The following UPF3A variants were observed in gnomAD, a reference collection of about 807,000 sequenced individuals.
UPF3A encodes the protein regulator of nonsense transcripts 3A.
In UPF3A, 42 loss-of-function variants were observed where a neutral mutation model predicts 53.5. The ratio of observed to expected loss-of-function variants is 0.78; its 90% CI spans 0.61 to 1.01. UPF3A has a LOEUF of 1.01. Among genes scored for constraint, UPF3A ranks in the 50% least tolerant of loss-of-function variants. UPF3A has a pLI of 0.00. For missense variants in UPF3A, 575 were observed against 598.0 expected, an observed-to-expected ratio of 0.96 and a Z score of 0.40; for synonymous variants, 237 against 225.3, an observed-to-expected ratio of 1.05 and a Z score of -0.47.
intron 7 of UPF3A, among the ~76,000 whole-genome samples, chr13:114,298,380 A>C (rs1331911648): frequency 1.3e-5 from 2 of 152,042 alleles, no homozygotes; most frequent in African/African-American, 2.4e-5. Context: ...TCTCAAAAAA[A>C]AAAAAAAAAA....
In UPF3A at chr13:114,281,628, G is replaced by C. The variant is rs2084007835; in HGVS notation, c.-12G>C. 4.2e-6 allele frequency: 6 copies of C among 1,427,930 alleles called. No homozygotes were observed. Among genetic ancestry groups the C allele is most frequent in the Non-Finnish European group, 5.5e-6 (6 of 1,091,066 alleles). The allele number at this position is 1,427,930 out of a possible 1,614,324, so 88.5% of individuals were successfully genotyped here. On this transcript the variant is annotated 5_prime_UTR_variant, in exon 1 of 10. Coordinates refer to ENST00000375299, the MANE Select transcript of UPF3A (RefSeq NM_023011.4). ...CGGGGGCTGGCGGCTGCGGCTCGGC[G>C]GAGAGTGCGGCATGCGCTCGGAAAA... is the stretch of plus-strand genomic sequence containing the variant.
chr13:114,288,177 G>A (rs570876310), intron 5 of UPF3A, among the ~76,000 whole-genome samples: 38 of 152,368 alleles, frequency 2.5e-4, no homozygotes, highest in Middle Eastern at 3.4e-3. Flanking sequence ...CTGACTCTGG[G>A]CCTCAGCATG....
At chr13:114,297,584 C>T (rs2086170066) in intron 7 of UPF3A, among the ~76,000 whole-genome samples, 1 of 152,180 alleles carries the variant, frequency 6.6e-6, no homozygotes, top group Admixed American at 6.5e-5. Flanking sequence ...GTAATCCCAG[C>T]ACTTTGGGAG....
Position 114,281,694 on chromosome 13 carries a change from G to A in UPF3A, c.55G>A (p.Gly19Ser). The A allele has an allele frequency of 6.5e-7, 1 of 1,540,980 alleles. No homozygotes were observed. Among genetic ancestry groups the A allele is most frequent in the Non-Finnish European group, 8.7e-7 (1 of 1,143,464 alleles). ...GGLRAAVAARGPSGREKLSAL... is the reference protein window; with the variant it reads ...GGLRAAVAARSPSGREKLSAL... ...CCTTCGGGCGGCCGTTGCCGCGCGGGGCCCGAGCGGGAGGGAGAAGCTGTC... is the reference window on the plus strand; with the variant it reads ...CCTTCGGGCGGCCGTTGCCGCGCGGAGCCCGAGCGGGAGGGAGAAGCTGTC... Residue 19 changes from glycine (G) to serine (S), a missense_variant, in exon 1 of 10, where the codon GGC becomes AGC. Transcript: ENST00000375299.
chr13:114,289,147 C>T (rs1026097017), intron 5 of UPF3A, among the ~76,000 whole-genome samples: 4 of 152,104 alleles, frequency 2.6e-5, no homozygotes, highest in African/African-American at 9.7e-5. Flanking sequence ...TAGAACCCAC[C>T]ATCCCTGATG....
chr13:114,287,888 C>A (rs1342076693), intron 5 of UPF3A, among the ~76,000 whole-genome samples: 2 of 152,158 alleles, frequency 1.3e-5, no homozygotes, highest in East Asian at 3.8e-4. Flanking sequence ...CTCACTGCAA[C>A]CTCTGCCTTC....
Position 114,304,884 on chromosome 13 carries a change from G to T in UPF3A, c.1398G>T (p.Gly466=), listed in dbSNP as rs62625026. ...NRRICKAEGS[G]TGPEKREEAE ...GGATCTGCAAGGCAGAAGGTTCGGG[G>T]ACTGGTCCTGAGAAGAGGGAAGAGG... Residue 466 remains glycine (G), a synonymous_variant, in exon 10 of 10, where the codon GGG becomes GGT. Transcript: ENST00000375299. 6.2e-7 allele frequency: 1 copy of T among 1,613,582 alleles called. No individual in the cohort carries two copies. The highest frequency in any genetic ancestry group is 8.5e-7 in the Non-Finnish European group (1 of 1,179,764).
At chr13:114,297,836 A>G (rs2086201647) in intron 7 of UPF3A, among the ~76,000 whole-genome samples, 1 of 152,118 alleles carries the variant, frequency 6.6e-6, no homozygotes, top group South Asian at 2.1e-4. Flanking sequence ...CTCAAAAAAA[A>G]CAACAAACAA....
chr13:114,295,331 A>G (rs7326665), intron 7 of UPF3A, among the ~76,000 whole-genome samples: 5,566 of 41,928 alleles, frequency 0.13, 274 homozygotes, highest in East Asian at 0.45. Flanking sequence ...CGTCTCCAGC[A>G]GCTCTGGCCT....
Position 114,298,858 on chromosome 13 carries a change from A to G in UPF3A, c.865A>G (p.Lys289Glu), listed in dbSNP as rs757773931. 37 of 1,574,906 alleles carry G rather than the reference A, an allele frequency of 2.3e-5. No homozygotes were observed. ...VRIKLLKKPE[K>E]GEEPTTEKPK... ...TTCTCAGCTTCTTAAGAAACCAGAAAAGGGAGAGGAACCAACCACAGAGAA... is the reference window on the plus strand; with the variant it reads ...TTCTCAGCTTCTTAAGAAACCAGAAGAGGGAGAGGAACCAACCACAGAGAA... The change falls in exon 8 of 10, where the codon AAG (lysine) becomes GAG (glutamate). Residue 289 changes from lysine (K) to glutamate (E), a missense_variant. This residue lies in a region of UPF3A where 323 missense variants were observed against 415.2 expected (regional missense o/e 0.78). Coordinates refer to ENST00000375299, the MANE Select transcript of UPF3A (RefSeq NM_023011.4).
intron 7 of UPF3A, among the ~76,000 whole-genome samples, chr13:114,292,241 A>G (rs1399818540): frequency 7.8e-3 from 602 of 77,568 alleles, no homozygotes; most frequent in East Asian, 0.014. Flanking sequence ...ACACGTGCAG[A>G]TGTGTCACAT....
At chr13:114,282,242 G>C in intron 2 of UPF3A, 115 bp downstream of exon 2, 1 of 930,790 alleles carries the variant, frequency 1.1e-6, no homozygotes, top group South Asian at 1.7e-5. Flanking sequence ...AGTCGTGTGA[G>C]CTTTTTGAAT....
chr13:114,291,858 TATCTTAGTTCTTTAGAA>T (rs2085304576), intron 7 of UPF3A, 66 bp downstream of exon 7: 1 of 1,493,160 alleles, frequency 6.7e-7, no homozygotes, highest in South Asian at 1.3e-5. Flanking sequence ...ACTTTTTACA[TATCTTAGTTCTTTAGAA>T]TTTTGAAAAC....
At chr13:114,296,479 T>G (rs1482934095) in intron 7 of UPF3A, among the ~76,000 whole-genome samples, 1 of 152,168 alleles carries the variant, frequency 6.6e-6, no homozygotes, top group East Asian at 1.9e-4. Context: ...CACTACACCA[T>G]ACCCCATACC....
At position 114,291,363 on chromosome 13, in the gene UPF3A, A is replaced by C. The variant is rs79583456; in HGVS notation, c.632-126A>C. The C allele has an allele frequency of 5.3e-4, 477 of 907,806 alleles. 12 individuals are homozygous for C. In the East Asian group the frequency reaches 0.012, roughly 23 times the overall value. 56.2% of individuals were successfully genotyped at this position (907,806 alleles called of 1,614,324 possible). ...ATGGAATAAAAACTCCCCTGGAGAC[A>C]GTGTGTAAATTTAAAAAGTAATGAT... On this transcript the variant is annotated intron_variant, in intron 5 of 9. Transcript: ENST00000375299.
At chr13:114,294,015 C>T (rs1024975081) in intron 7 of UPF3A, among the ~76,000 whole-genome samples, 2 of 152,088 alleles carry the variant, frequency 1.3e-5, no homozygotes, top group African/African-American at 4.8e-5. Context: ...TACTCTTGGA[C>T]TCAAGTGATC....
intron 9 of UPF3A, 110 bp from the exon 10 acceptor site, chr13:114,304,679 T>C (rs960807258): frequency 6.2e-6 from 9 of 1,451,088 alleles, no homozygotes; most frequent in Non-Finnish European, 8.4e-6. Flanking sequence ...AGCTGCCTAG[T>C]TGATTTTCTT....
chr13:114,283,115 C>T (rs2084294283), intron 3 of UPF3A, 172 bp downstream of exon 3: 7 of 521,222 alleles, frequency 1.3e-5, no homozygotes, highest in Middle Eastern at 4.6e-4. Flanking sequence ...CCTCACACTG[C>T]GGCTCAAGCA....
chr13:114,301,538 T>G (rs2086606879), intron 8 of UPF3A, among the ~76,000 whole-genome samples, 193 bp from the exon 9 acceptor site: 1 of 152,078 alleles, frequency 6.6e-6, no homozygotes, highest in Admixed American at 6.5e-5. Context: ...CAGATACTAT[T>G]ACTATGATTT....
Sources: gnomAD v4.1 joint callset for allele counts (sites outside exome capture counted in the v4.1 genomes callset) on GRCh38, gnomAD v4.1.1 for gene constraint, gnomAD v4.1.1 regional missense constraint, MANE v1.5 for transcripts, NCBI Gene and HGNC (gene_info 2026-07-23, HGNC 2026-07-21) for gene names.